GYS2: variants seen among roughly 807,000 people sequenced by gnomAD.
The protein encoded by GYS2 is glycogen [starch] synthase, liver.
A neutral mutation model predicts 85.6 loss-of-function variants in GYS2; 80 were observed. That is an observed-to-expected ratio of 0.93 (90% CI 0.78 to 1.13). The LOEUF (loss-of-function observed/expected upper bound fraction) is 1.13. Among genes scored for constraint, GYS2 ranks in the 50% most tolerant of loss-of-function variants. The pLI is 0.00. For synonymous variants in GYS2, 328 were observed against 300.7 expected (o/e 1.09, Z -0.94); for missense variants, 881 against 854.9 (o/e 1.03, Z -0.38).
chr12:21,563,826 C>T (rs1230697487), intron 5 of GYS2, among the ~76,000 whole-genome samples: 1 of 152,178 alleles, frequency 6.6e-6, no homozygotes, highest in East Asian at 1.9e-4. Flanking sequence ...AGAATCCATG[C>T]AGTCTGACCC....
chr12:21,579,003 G>A (rs767964431), intron 2 of GYS2, among the ~76,000 whole-genome samples: 3 of 151,886 alleles, frequency 2.0e-5, no homozygotes, highest in South Asian at 2.1e-4. Context: ...TTCTTACCAC[G>A]TATTTATTCC....
intron 11 of GYS2, among the ~76,000 whole-genome samples, chr12:21,556,914 A>C (rs1944186930): frequency 6.6e-6 from 1 of 152,214 alleles, no homozygotes. Context: ...AATTTAAGGA[A>C]TATTTATAGA....
chr12:21,564,746 G>T (rs545644540), intron 5 of GYS2, among the ~76,000 whole-genome samples: 3 of 152,090 alleles, frequency 2.0e-5, no homozygotes, highest in Non-Finnish European at 4.4e-5. Context: ...ATTATGTAGG[G>T]CTCACTTTGT....
At position 21,536,652 on chromosome 12, in the gene GYS2, G is replaced by A. The variant is rs986453714; in HGVS notation, c.*302C>T. The A allele has an allele frequency of 1.1e-4, 44 of 406,138 alleles. No individual in the cohort carries two copies. The highest frequency in any genetic ancestry group is 1.5e-4 in the Non-Finnish European group (33 of 219,278). 25.2% of individuals were successfully genotyped at this position (406,138 alleles called of 1,614,324 possible). A position where few individuals can be genotyped will look rare whatever the true frequency, so the allele number is the denominator to read the frequency against. ...TGATGATCATTTAAAAATAAACAGA[G>A]TAAGAGAAAATCCTTACCACTTAAA... is the stretch of plus-strand genomic sequence containing the variant. On this transcript the variant is annotated 3_prime_UTR_variant, in exon 16 of 16. Transcript: ENST00000261195.
intron 2 of GYS2, among the ~76,000 whole-genome samples, chr12:21,577,061 G>A (rs548307793): frequency 1.8e-4 from 27 of 152,114 alleles, no homozygotes; most frequent in Non-Finnish European, 3.8e-4. Flanking sequence ...TTCCTACCAG[G>A]GGACCCAGGC....
chr12:21,557,959 G>A (rs1384823099), intron 11 of GYS2, among the ~76,000 whole-genome samples: 9 of 152,112 alleles, frequency 5.9e-5, no homozygotes, highest in Admixed American at 5.9e-4. Context: ...TAGCAGTATT[G>A]TACAGTGGAA....
chr12:21,552,343 A>T (rs140873551), intron 11 of GYS2, among the ~76,000 whole-genome samples: 1 of 152,252 alleles, frequency 6.6e-6, no homozygotes, highest in African/African-American at 2.4e-5. Flanking sequence ...AGGCAAAATG[A>T]TAAATAAATT....
Position 21,546,330 on chromosome 12 carries a change from T to C in GYS2, c.1549+14A>G, listed in dbSNP as rs1944038939. On this transcript the variant is annotated intron_variant, in intron 12 of 15. Transcript: ENST00000261195. ...AAAATTCAAAACATTCCACACTCTA[T>C]ACATGACACATACCTGGAGTATAAC... is the stretch of plus-strand genomic sequence containing the variant. 5 of 1,578,770 alleles carry C rather than the reference T, an allele frequency of 3.2e-6. No individual in the cohort carries two copies. In the South Asian group the frequency reaches 3.3e-5, roughly 11 times the overall value.
Position 21,559,121 on chromosome 12 carries a change from T to A in GYS2, c.1278A>T (p.Thr426=). Residue 426 remains threonine (T), a synonymous_variant, in exon 10 of 16, where the codon ACA becomes ACT. Transcript: ENST00000261195. ...TTGAAAAGATGGCTCTTTTCATAAT[T>A]GTTAGATCATCTCGATCTAAAATAT... The part of the protein sequence containing the change: ...LNDILDRDDL[T]IMKRAIFSTQ... 3.1e-6 allele frequency: 5 copies of A among 1,609,002 alleles called. No individual in the cohort carries two copies. The highest frequency in any genetic ancestry group is 4.3e-6 in the Non-Finnish European group (5 of 1,175,970).
rs753854327 is a variant in GYS2, at chr12:21,546,419, C to G, written c.1474G>C (p.Asp492His). ...CAACCTCTAACAAACTCTTCATAGT[C>G]CATGGGTAGTAAGGGACTGGTGGAG... ...LSSTSPLLPMDYEEFVRGCHL... is the reference protein window; with the variant it reads ...LSSTSPLLPMHYEEFVRGCHL... The change falls in exon 12 of 16, where the codon GAC (aspartate) becomes CAC (histidine). Residue 492 changes from aspartate (D) to histidine (H), a missense_variant. Physicochemically the swap from Asp to His is moderately conservative, Grantham distance 81. Coordinates refer to ENST00000261195, the MANE Select transcript of GYS2 (RefSeq NM_021957.4). 6.9e-6 allele frequency: 11 copies of G among 1,597,210 alleles called. No individual in the cohort carries two copies. The highest frequency in any genetic ancestry group is 9.4e-6 in the Non-Finnish European group (11 of 1,165,412).
intron 1 of GYS2, among the ~76,000 whole-genome samples, chr12:21,590,557 C>T (rs1203836692): frequency 2.0e-5 from 3 of 152,286 alleles, no homozygotes; most frequent in East Asian, 3.9e-4. Context: ...GGTTGTCCTG[C>T]AGTTGCTACA....
At chr12:21,560,254 G>A in intron 8 of GYS2, 132 bp downstream of exon 8, 1 of 683,898 alleles carries the variant, frequency 1.5e-6, no homozygotes, top group Non-Finnish European at 2.7e-6. Flanking sequence ...GATGAAAAGA[G>A]AGTCAAGTAT....
At chr12:21,586,826 T>C (rs1565610099) in intron 1 of GYS2, among the ~76,000 whole-genome samples, 1 of 152,288 alleles carries the variant, frequency 6.6e-6, no homozygotes, top group East Asian at 1.9e-4. Flanking sequence ...CTACTGGGTA[T>C]GGACCCAAAG....
At chr12:21,579,506 T>A (rs1054380275) in intron 2 of GYS2, among the ~76,000 whole-genome samples, 1 of 151,822 alleles carries the variant, frequency 6.6e-6, no homozygotes. Flanking sequence ...GGTGCCTGCC[T>A]GCAAAACCAC....
At chr12:21,575,323 T>C (rs1944432426) in intron 3 of GYS2, among the ~76,000 whole-genome samples, 1 of 152,188 alleles carries the variant, frequency 6.6e-6, no homozygotes, top group African/African-American at 2.4e-5. Flanking sequence ...AAGAGACAAC[T>C]TATTTTGTTT....
chr12:21,604,361 C>T (rs562685999), intron 1 of GYS2, 111 bp downstream of exon 1: 57 of 777,344 alleles, frequency 7.3e-5, no homozygotes, highest in Non-Finnish European at 1.3e-4. Context: ...AAATGCTTTC[C>T]TCACTCACTA....
intron 1 of GYS2, among the ~76,000 whole-genome samples, chr12:21,594,547 G>A (rs570569457): frequency 5.3e-5 from 8 of 152,070 alleles, no homozygotes; most frequent in South Asian, 2.1e-4. Flanking sequence ...CCAAGGAACC[G>A]AAAAACCTCT....
At chr12:21,554,131 G>C (rs1011070380) in intron 11 of GYS2, among the ~76,000 whole-genome samples, 1 of 151,598 alleles carries the variant, frequency 6.6e-6, no homozygotes, top group Non-Finnish European at 1.5e-5. Context: ...ATGGAAGGAA[G>C]GAAGGAAGCG....
chr12:21,548,828 G>C (rs893746666), intron 11 of GYS2, among the ~76,000 whole-genome samples: 6 of 151,574 alleles, frequency 4.0e-5, no homozygotes, highest in African/African-American at 1.5e-4. Context: ...GCTTTTTTTT[G>C]GTGGGGGGCA....
Sources: gnomAD v4.1 joint callset for allele counts (sites outside exome capture counted in the v4.1 genomes callset) on GRCh38, gnomAD v4.1.1 for gene constraint, MANE v1.5 for transcripts, NCBI Gene and HGNC (gene_info 2026-07-23, HGNC 2026-07-21) for gene names.